Variants in PDE4D observed in about 807,000 individuals in gnomAD.
The protein encoded by PDE4D is phosphodiesterase 4D.
PDE4D carries 24 observed loss-of-function variants against 87.4 expected under a neutral mutation model. That is an observed-to-expected ratio of 0.27 (90% CI 0.20 to 0.39). The LOEUF (loss-of-function observed/expected upper bound fraction) is 0.39. Ranked by LOEUF, PDE4D falls within the 10% of genes least tolerant of loss-of-function variation. The pLI, the probability that PDE4D is intolerant of heterozygous loss-of-function variation, is 1.00. For synonymous variants in PDE4D, 384 were observed against 383.2 expected (o/e 1.00, Z -0.02); for missense variants, 714 against 1,041.0 (o/e 0.69, Z 4.32).
intron 1 of PDE4D, among the ~76,000 whole-genome samples, chr5:59,316,753 T>C (rs1773826175): frequency 6.6e-6 from 1 of 152,198 alleles, no homozygotes; most frequent in African/African-American, 2.4e-5. Context: ...TCACCAAATG[T>C]AGTTGACAAT....
chr5:60,036,626 G>A (rs1209899781), intron 2 of PDE4D, among the ~76,000 whole-genome samples: 1 of 152,172 alleles, frequency 6.6e-6, no homozygotes, highest in Non-Finnish European at 1.5e-5. Flanking sequence ...ACAGAATTAT[G>A]GGGAAAAAAA....
chr5:59,387,229 C>T (rs182767189), intron 1 of PDE4D, among the ~76,000 whole-genome samples: 5 of 152,212 alleles, frequency 3.3e-5, no homozygotes, highest in Middle Eastern at 3.4e-3. Context: ...GTATCTCCTT[C>T]CTGGATATTT....
chr5:59,235,706 G>T (rs1021947601), intron 1 of PDE4D, among the ~76,000 whole-genome samples: 6 of 152,160 alleles, frequency 3.9e-5, no homozygotes, highest in Admixed American at 1.3e-4. Flanking sequence ...CCTTTGTGTG[G>T]AATGTTACAT....
intron 1 of PDE4D, among the ~76,000 whole-genome samples, chr5:60,436,502 G>A (rs188076086): frequency 8.5e-5 from 13 of 152,124 alleles, no homozygotes; most frequent in African/African-American, 2.6e-4. Flanking sequence ...AAAATTAATA[G>A]TAAGCCAAAA....
At chr5:60,096,305 T>C (rs1167063429) in intron 2 of PDE4D, among the ~76,000 whole-genome samples, 3 of 152,202 alleles carry the variant, frequency 2.0e-5, no homozygotes, top group African/African-American at 7.2e-5. Flanking sequence ...AAACAAGCAA[T>C]AGGGAAAGGA....
chr5:59,615,292 G>C (rs183644337), intron 1 of PDE4D, among the ~76,000 whole-genome samples: 4 of 152,208 alleles, frequency 2.6e-5, no homozygotes, highest in Non-Finnish European at 5.9e-5. Context: ...ATTGAACCCT[G>C]GTATGTTTGA....
rs1031916584 is a variant in PDE4D at position 59,151,382 on chromosome 5, C to T, written c.808+29213G>A. ...ATGAGTCCAAAGTACTACATTACAT[C>T]TCAGTGTTTCTTGCAATTGACTAAC... On this transcript the variant is annotated intron_variant, in intron 5 of 14. Transcript: ENST00000340635. 3.9e-5 allele frequency among the ~76,000 whole-genome samples: 6 copies of T among 152,088 alleles called. No individual in the cohort carries two copies. In the South Asian group the frequency reaches 1.0e-3, roughly 26 times the overall value.
At chr5:60,420,005 A>G (rs1742952099) in intron 1 of PDE4D, among the ~76,000 whole-genome samples, 1 of 152,190 alleles carries the variant, frequency 6.6e-6, no homozygotes, top group Non-Finnish European at 1.5e-5. Context: ...TGTCCCAGAC[A>G]TGGGACAAAT....
At chr5:60,086,685 G>A (rs1020356910) in intron 2 of PDE4D, among the ~76,000 whole-genome samples, 9 of 152,224 alleles carry the variant, frequency 5.9e-5, no homozygotes, top group Admixed American at 5.2e-4. Context: ...ACACATGGTT[G>A]ACAACTCAAG....
At chr5:60,305,038 T>TACACACACAC (rs35539982) in intron 1 of PDE4D, among the ~76,000 whole-genome samples, 17 of 135,938 alleles carry the variant, frequency 1.3e-4, no homozygotes, top group African/African-American at 2.6e-4. Context: ...TTTTGAGCTA[T>TACACACACAC]ACACACACAC....
chr5:59,974,604 C>T (rs936538320), intron 3 of PDE4D, among the ~76,000 whole-genome samples: 1 of 152,134 alleles, frequency 6.6e-6, no homozygotes, highest in Non-Finnish European at 1.5e-5. Context: ...ATGGTCTTTC[C>T]AAAAGACCTA....
chr5:59,569,171 C>G (rs923164854), intron 1 of PDE4D, among the ~76,000 whole-genome samples: 6 of 152,182 alleles, frequency 3.9e-5, no homozygotes, highest in Non-Finnish European at 8.8e-5. Context: ...AATACAAACT[C>G]TTCTTCACAT....
intron 5 of PDE4D, among the ~76,000 whole-genome samples, chr5:59,111,213 G>C (rs1772582479): frequency 6.6e-6 from 1 of 152,176 alleles, no homozygotes; most frequent in Admixed American, 6.5e-5. Flanking sequence ...AAACTAGTGA[G>C]AAGTGGCTCG....
At chr5:59,444,794 A>G (rs1798118459) in intron 1 of PDE4D, among the ~76,000 whole-genome samples, 1 of 152,170 alleles carries the variant, frequency 6.6e-6, no homozygotes. Flanking sequence ...CCTGGGTGAC[A>G]GCGAGAGTCC....
chr5:59,279,970 C>T (rs188713270), intron 1 of PDE4D, among the ~76,000 whole-genome samples: 17 of 152,150 alleles, frequency 1.1e-4, no homozygotes, highest in Admixed American at 4.6e-4. Flanking sequence ...ACGTACATTA[C>T]TAGTATAATG....
intron 1 of PDE4D, among the ~76,000 whole-genome samples, chr5:59,439,684 C>T (rs1352386188): frequency 6.6e-6 from 1 of 152,082 alleles, no homozygotes; most frequent in Non-Finnish European, 1.5e-5. Context: ...GAGGAAAATA[C>T]AGCAGGGAAG....
chr5:59,093,009 A>T (rs904308968), intron 5 of PDE4D, among the ~76,000 whole-genome samples: 2 of 152,214 alleles, frequency 1.3e-5, no homozygotes, highest in African/African-American at 4.8e-5. Context: ...AAAGTAAAGG[A>T]ATAAAAACAC....
intron 2 of PDE4D, among the ~76,000 whole-genome samples, chr5:60,024,628 A>G (rs191442225): frequency 2.0e-5 from 3 of 152,238 alleles, no homozygotes; most frequent in African/African-American, 7.2e-5. Flanking sequence ...CCCCAAGCAC[A>G]ATTATGGAAC....
chr5:60,134,407 AG>A (rs1342634179), intron 2 of PDE4D, among the ~76,000 whole-genome samples: 14 of 152,188 alleles, frequency 9.2e-5, no homozygotes, highest in Admixed American at 9.2e-4. Context: ...AGGGAGGCTG[AG>A]ACAGGAGGAT....
Sources: gnomAD v4.1 joint callset for allele counts (sites outside exome capture counted in the v4.1 genomes callset) on GRCh38, gnomAD v4.1.1 for gene constraint, MANE v1.5 for transcripts, NCBI Gene and HGNC (gene_info 2026-07-23, HGNC 2026-07-21) for gene names.